The following FARS2 variants were observed in gnomAD, a reference collection of about 807,000 sequenced individuals.
FARS2 encodes phenylalanyl-tRNA synthetase 2, mitochondrial.
Under a neutral mutation model 46.4 loss-of-function variants are expected in FARS2, and 40 were observed. That is an observed-to-expected ratio of 0.86 (90% CI 0.67 to 1.12). FARS2 has a LOEUF of 1.12. FARS2 is among the 50% of genes most tolerant of loss of function. The pLI is 0.00. For missense variants in FARS2, 513 were observed against 567.9 expected (o/e 0.90, Z 0.98); for synonymous variants, 234 against 214.9 (o/e 1.09, Z -0.78).
chr6:5,762,850 G>A (rs1762549062), intron 6 of FARS2, among the ~76,000 whole-genome samples: 1 of 152,176 alleles, frequency 6.6e-6, no homozygotes, highest in Non-Finnish European at 1.5e-5. Context: ...AGGCACAGCA[G>A]CAGCAGGGAG....
intron 6 of FARS2, among the ~76,000 whole-genome samples, chr6:5,687,123 A>G (rs1204043746): frequency 1.3e-5 from 2 of 152,300 alleles, no homozygotes; most frequent in Admixed American, 6.5e-5. Context: ...AGTAGATTGC[A>G]AAAATTTTCT....
At position 5,764,815 on chromosome 6, in the gene FARS2, G is replaced by A. The variant is rs952840365; in HGVS notation, c.1218-6476G>A. On this transcript the variant is annotated intron_variant, in intron 6 of 6. Transcript: ENST00000274680. The surrounding 1 kb of genome is among the most constrained non-coding windows in gnomAD (Gnocchi z 4.1). Reference sequence around the variant, plus strand: ...GGTTGCCAGGGTAAACCAAGTGGTTGTATGATAGAGGAATTCCAACCCTCG... The same window carrying A: ...GGTTGCCAGGGTAAACCAAGTGGTTATATGATAGAGGAATTCCAACCCTCG... Among the ~76,000 whole-genome samples, 1 of 152,202 alleles carries A rather than the reference G, an allele frequency of 6.6e-6. No homozygotes were observed. Among genetic ancestry groups the A allele is most frequent in the Non-Finnish European group, 1.5e-5 (1 of 68,034 alleles).
intron 6 of FARS2, among the ~76,000 whole-genome samples, chr6:5,752,285 CT>C (rs1761992599): frequency 6.6e-6 from 1 of 152,262 alleles, no homozygotes; most frequent in South Asian, 2.1e-4. Flanking sequence ...TAATTGCGGT[CT>C]GTTAGATTTT....
At chr6:5,280,598 C>G (rs542191470) in intron 1 of FARS2, among the ~76,000 whole-genome samples, 1 of 152,272 alleles carries the variant, frequency 6.6e-6, no homozygotes, top group South Asian at 2.1e-4. Flanking sequence ...CTTGATACTT[C>G]AGTTTCTTTA....
At chr6:5,498,575 C>G (rs561736294) in intron 4 of FARS2, among the ~76,000 whole-genome samples, 1 of 152,232 alleles carries the variant, frequency 6.6e-6, no homozygotes, top group Admixed American at 6.5e-5. Context: ...TAGATGTTGG[C>G]TAAGTTCAAT....
chr6:5,267,468 A>T (rs964716629), intron 1 of FARS2, among the ~76,000 whole-genome samples: 3 of 152,054 alleles, frequency 2.0e-5, no homozygotes, highest in African/African-American at 7.2e-5. Context: ...AGAACAGTCC[A>T]GGCCAGGCGT....
At chr6:5,454,782 T>C (rs1764738463) in intron 4 of FARS2, among the ~76,000 whole-genome samples, 1 of 152,212 alleles carries the variant, frequency 6.6e-6, no homozygotes, top group African/African-American at 2.4e-5. Context: ...CCTACTCTGC[T>C]TTGCTCTGAC....
chr6:5,374,101 G>A (rs1230739849), intron 2 of FARS2, among the ~76,000 whole-genome samples: 1 of 152,072 alleles, frequency 6.6e-6, no homozygotes, highest in Non-Finnish European at 1.5e-5. Context: ...TGTCTGTGAT[G>A]TTCTTCAAAA....
At chr6:5,263,909 G>A (rs961784298) in intron 1 of FARS2, among the ~76,000 whole-genome samples, 1 of 152,064 alleles carries the variant, frequency 6.6e-6, no homozygotes, top group African/African-American at 2.4e-5. Context: ...AGTAACTTAC[G>A]ATATTATTTA....
intron 6 of FARS2, among the ~76,000 whole-genome samples, chr6:5,667,545 T>C (rs1231306330): frequency 6.6e-6 from 1 of 151,748 alleles, no homozygotes; most frequent in Non-Finnish European, 1.5e-5. Context: ...ATTATATTCT[T>C]TGTTGAATAT....
chr6:5,354,619 T>G (rs566544816), intron 1 of FARS2, among the ~76,000 whole-genome samples: 1 of 151,746 alleles, frequency 6.6e-6, no homozygotes, highest in East Asian at 2.0e-4. Context: ...GTTCATGCCA[T>G]TCTCCTGCCT....
chr6:5,623,218 G>C (rs1335790955), intron 6 of FARS2, among the ~76,000 whole-genome samples: 3 of 152,172 alleles, frequency 2.0e-5, no homozygotes, highest in Non-Finnish European at 4.4e-5. Context: ...AGAGTAAAAA[G>C]CCAGTGTCAT....
chr6:5,260,859 G>T, upstream of FARS2: 1 of 1,486,870 alleles, frequency 6.7e-7, no homozygotes, highest in Non-Finnish European at 8.9e-7. Context: ...CTTTGCCAGC[G>T]GGCCGGGCCT....
At chr6:5,652,952 T>C (rs928457619) in intron 6 of FARS2, among the ~76,000 whole-genome samples, 1 of 152,214 alleles carries the variant, frequency 6.6e-6, no homozygotes, top group Non-Finnish European at 1.5e-5. Context: ...GCCAGTATCT[T>C]GAAAGGCAGA....
chr6:5,675,847 T>C (rs1291620220), intron 6 of FARS2, among the ~76,000 whole-genome samples: 2 of 152,232 alleles, frequency 1.3e-5, no homozygotes, highest in Non-Finnish European at 2.9e-5. Flanking sequence ...AAGTTAAATT[T>C]CACTGTCTTT....
intron 3 of FARS2, among the ~76,000 whole-genome samples, chr6:5,429,064 A>G (rs151104480): frequency 1.3e-5 from 2 of 152,320 alleles, no homozygotes; most frequent in African/African-American, 4.8e-5. Flanking sequence ...GTGGTTGCCT[A>G]CAGATGTGGG....
intron 6 of FARS2, among the ~76,000 whole-genome samples, chr6:5,667,692 A>C (rs951904445): frequency 2.0e-5 from 3 of 152,176 alleles, no homozygotes; most frequent in Admixed American, 6.5e-5. Context: ...ATTCTAGAAC[A>C]TCAGAGCTGG....
At chr6:5,329,793 A>G (rs1770668331) in intron 1 of FARS2, among the ~76,000 whole-genome samples, 1 of 152,238 alleles carries the variant, frequency 6.6e-6, no homozygotes, top group African/African-American at 2.4e-5. Context: ...TGATGCCTCC[A>G]TGCTGTCTCC....
At chr6:5,319,677 C>G (rs1769827768) in intron 1 of FARS2, among the ~76,000 whole-genome samples, 1 of 152,228 alleles carries the variant, frequency 6.6e-6, no homozygotes, top group African/African-American at 2.4e-5. Context: ...TGGTCTCTCA[C>G]TCTGCCTTAT....
Sources: gnomAD v4.1 joint callset for allele counts (sites outside exome capture counted in the v4.1 genomes callset) on GRCh38, gnomAD v4.1.1 for gene constraint, Gnocchi (gnomAD v3.1) non-coding constraint, MANE v1.5 for transcripts, NCBI Gene and HGNC (gene_info 2026-07-23, HGNC 2026-07-21) for gene names.